Variants in TANC2 observed in about 807,000 individuals in gnomAD.
TANC2 encodes protein TANC2.
Under a neutral mutation model 210.5 loss-of-function variants are expected in TANC2, and 26 were observed. The ratio of observed to expected loss-of-function variants is 0.12; its 90% CI spans 0.09 to 0.17. The LOEUF is 0.17. Among genes scored for constraint, TANC2 ranks in the 10% least tolerant of loss-of-function variants. The pLI, the probability that TANC2 is intolerant of heterozygous loss-of-function variation, is 1.00. For synonymous variants in TANC2, 931 were observed against 967.1 expected (o/e 0.96, Z 0.69); for missense variants, 2,129 against 2,608.9 (o/e 0.82, Z 4.01).
chr17:63,395,867 T>G, exon 18 of TANC2: 1 of 1,611,412 alleles, frequency 6.2e-7, no homozygotes, highest in Non-Finnish European at 8.5e-7. Context: ...CAAGGAGTAT[T>G]TAAGAAGAGC....
chr17:63,254,284 G>T (rs189986513), intron 8 of TANC2, among the ~76,000 whole-genome samples: 16 of 151,976 alleles, frequency 1.1e-4, no homozygotes, highest in African/African-American at 3.1e-4. Context: ...CATCTTGGTG[G>T]CTGTTGGCAC....
chr17:63,389,200 T>C lies in TANC2; in HGVS notation c.2815-108T>C, dbSNP rs953560666. On this transcript the variant is annotated intron_variant, in intron 16 of 27. Transcript: ENST00000689528. ...TGAGATTATAAAATAAAGCAATTAC[T>C]AAATGCTACTAGACACTGTTGTAGA... 3 of 811,354 alleles carry C rather than the reference T, an allele frequency of 3.7e-6. No homozygotes were observed. The African/African-American group carries it at 5.2e-5, about 14-fold the overall frequency. 50.3% of individuals were successfully genotyped at this position (811,354 alleles called of 1,614,324 possible). A position where few individuals can be genotyped will look rare whatever the true frequency, so the allele number is the denominator to read the frequency against.
At chr17:63,153,050 G>A (rs1471924067) in intron 5 of TANC2, 1 of 152,102 alleles carries the variant, frequency 6.6e-6, no homozygotes, top group Non-Finnish European at 1.5e-5. Context: ...AAACTTTATA[G>A]TGATTTGCTC....
chr17:63,414,307 C>T (rs2048794492), intron 25 of TANC2: 2 of 152,206 alleles, frequency 1.3e-5, no homozygotes, highest in South Asian at 2.1e-4. Context: ...GACACTTCCC[C>T]AAGACTAAAA....
intron 4 of TANC2, chr17:63,150,023 T>A (rs369540213): frequency 4.6e-5 from 7 of 152,196 alleles, no homozygotes; most frequent in African/African-American, 1.4e-4. Flanking sequence ...CTATATACTT[T>A]TAATACTTGA....
chr17:62,990,818 G>C (rs2032823031), intron 1 of TANC2, among the ~76,000 whole-genome samples: 1 of 151,944 alleles, frequency 6.6e-6, no homozygotes, highest in African/African-American at 2.4e-5. Context: ...TTTGTTGGTG[G>C]GTAGTTGACA....
At chr17:62,999,088 C>T (rs796191392) in intron 1 of TANC2, among the ~76,000 whole-genome samples, 4 of 152,276 alleles carry the variant, frequency 2.6e-5, no homozygotes, top group Non-Finnish European at 4.4e-5. Context: ...GCGGCAGGGC[C>T]TTGTGGGAGG....
chr17:63,009,253 TTTTTC>T (rs1410548705), intron 1 of TANC2, among the ~76,000 whole-genome samples: 6 of 152,032 alleles, frequency 3.9e-5, no homozygotes, highest in Non-Finnish European at 5.9e-5. Flanking sequence ...CAAGTTTTCT[TTTTTC>T]TTTTTAAATT....
intron 15 of TANC2, among the ~76,000 whole-genome samples, chr17:63,383,561 A>G (rs1425655817): frequency 6.6e-6 from 1 of 152,228 alleles, no homozygotes. Context: ...TTATTGCTGA[A>G]TAATATTTCA....
At chr17:63,203,667 T>G (rs566016397) in intron 7 of TANC2, among the ~76,000 whole-genome samples, 1 of 152,254 alleles carries the variant, frequency 6.6e-6, no homozygotes, top group African/African-American at 2.4e-5. Flanking sequence ...GGTGAAGTTT[T>G]GGGAAAAGAA....
rs992076730 is a variant in TANC2, at chr17:63,177,744, T to C, written c.434-16247T>C. On this transcript the variant is annotated intron_variant, in intron 5 of 27. Transcript: ENST00000689528. ...TGTTTCTGGGTTCAGGCTGAAGGGG[T>C]ATCAGCCAGGAGCTTCTCCTGGTGT... is the stretch of plus-strand genomic sequence containing the variant. Among the ~76,000 whole-genome samples the C allele has an allele frequency of 3.3e-5, 5 of 152,186 alleles. No homozygotes were observed. In the South Asian group the frequency reaches 8.3e-4, roughly 25 times the overall value.
At chr17:63,121,988 G>A (rs949961034) in intron 4 of TANC2, among the ~76,000 whole-genome samples, 1 of 151,262 alleles carries the variant, frequency 6.6e-6, no homozygotes, top group Admixed American at 6.6e-5. Context: ...GGGGGGAAGA[G>A]GGGGAGGGGA....
intron 8 of TANC2, among the ~76,000 whole-genome samples, chr17:63,263,178 C>T (rs185062130): frequency 2.0e-5 from 3 of 152,154 alleles, no homozygotes; most frequent in Non-Finnish European, 4.4e-5. Flanking sequence ...AGAACATTAA[C>T]GTTATTAAAT....
chr17:63,226,738 C>T (rs1053282894), intron 7 of TANC2, among the ~76,000 whole-genome samples: 3 of 152,162 alleles, frequency 2.0e-5, no homozygotes, highest in African/African-American at 7.2e-5. Context: ...AGCTATTTAT[C>T]CTGATTCTCT....
exon 28 of TANC2, chr17:63,422,126 C>T (rs2049040507): frequency 1.3e-6 from 1 of 776,538 alleles, no homozygotes; most frequent in South Asian, 2.0e-5. Flanking sequence ...GGGAAGCGGC[C>T]TCCCGGGAGC....
At chr17:63,113,293 T>C (rs1351715816) in intron 4 of TANC2, among the ~76,000 whole-genome samples, 1 of 152,150 alleles carries the variant, frequency 6.6e-6, no homozygotes, top group Admixed American at 6.5e-5. Flanking sequence ...GCACCCAAAT[T>C]GACATTCAGC....
intron 2 of TANC2, among the ~76,000 whole-genome samples, chr17:63,068,294 A>G (rs1245154382): frequency 6.6e-6 from 1 of 152,206 alleles, no homozygotes; most frequent in Non-Finnish European, 1.5e-5. Context: ...AGCAGAAATG[A>G]AAAAAACCTG....
At chr17:63,036,575 G>T (rs1421066824) in intron 2 of TANC2, among the ~76,000 whole-genome samples, 1 of 152,006 alleles carries the variant, frequency 6.6e-6, no homozygotes, top group Non-Finnish European at 1.5e-5. Flanking sequence ...TTTCAAAATT[G>T]TCGTAGCTAT....
At chr17:63,184,819 A>G (rs1049095563) in intron 5 of TANC2, among the ~76,000 whole-genome samples, 2 of 151,576 alleles carry the variant, frequency 1.3e-5, no homozygotes, top group Admixed American at 1.3e-4. Context: ...ACACCCGGCT[A>G]AATTTTTTTG....
Sources: gnomAD v4.1 joint callset for allele counts (sites outside exome capture counted in the v4.1 genomes callset) on GRCh38, gnomAD v4.1.1 for gene constraint, MANE v1.5 for transcripts, NCBI Gene and HGNC (gene_info 2026-07-23, HGNC 2026-07-21) for gene names.